The following ZNF320 variants were observed in gnomAD, a reference collection of about 807,000 sequenced individuals.
ZNF320 encodes the protein zinc finger protein 320.
ZNF320 carries 2 observed loss-of-function variants against 6.8 expected under a neutral mutation model. That is an observed-to-expected ratio of 0.29 (90% confidence interval 0.12 to 0.93). ZNF320 has a LOEUF of 0.93. Ranked by LOEUF, ZNF320 falls within the 40% of genes least tolerant of loss-of-function variation. ZNF320 has a pLI of 0.55. For synonymous variants in ZNF320, 208 were observed against 203.2 expected, an observed-to-expected ratio of 1.02 and a Z score of -0.20; for missense variants, 472 against 611.0, an observed-to-expected ratio of 0.77 and a Z score of 2.40.
In ZNF320 at chr19:52,861,116, T is replaced by C. The variant is rs1011037563; in HGVS notation, c.*2913A>G. ...ATGACATGATCTTCTGTGGAAAAAA[T>C]CCAAAGAGTCAACCAAAATACTACT... is the stretch of plus-strand genomic sequence containing the variant. On this transcript the variant is annotated 3_prime_UTR_variant, in exon 6 of 6. Transcript: ENST00000673631. Among the ~76,000 whole-genome samples the C allele has an allele frequency of 4.6e-5, 7 of 152,014 alleles. No individual in the cohort carries two copies. In the South Asian group the frequency reaches 1.5e-3, roughly 32 times the overall value.
upstream of ZNF320, among the ~76,000 whole-genome samples, chr19:52,901,063 C>A (rs1234403602): frequency 6.6e-6 from 1 of 151,996 alleles, no homozygotes; most frequent in African/African-American, 2.4e-5. Context: ...TTACTTGTGT[C>A]ACTTAGAAAA....
At chr19:52,902,329 G>A (rs2064573846), upstream of ZNF320, among the ~76,000 whole-genome samples, 1 of 152,216 alleles carries the variant, frequency 6.6e-6, no homozygotes, top group African/African-American at 2.4e-5. Context: ...GTTACTCCAG[G>A]CTGTAGAATC....
intron 5 of ZNF320, among the ~76,000 whole-genome samples, chr19:52,866,363 C>T (rs1254334210): frequency 6.6e-6 from 1 of 151,432 alleles, no homozygotes; most frequent in Non-Finnish European, 1.5e-5. Flanking sequence ...AACTGTGAAA[C>T]CCCTCCTGCA....
intron 2 of ZNF320, among the ~76,000 whole-genome samples, chr19:52,893,092 C>T (rs2064361078): frequency 6.6e-6 from 1 of 151,618 alleles, no homozygotes; most frequent in Non-Finnish European, 1.5e-5. Flanking sequence ...TTCTTCTTTT[C>T]TCTGTCTCAG....
chr19:52,893,606 C>T (rs2064379394), intron 2 of ZNF320, 173 bp downstream of exon 2: 1 of 152,056 alleles, frequency 6.6e-6, no homozygotes, highest in Admixed American at 6.6e-5. Flanking sequence ...GAGATGGCAC[C>T]AGTGCACTCC....
chr19:52,861,598 C>T (rs1027361230), exon 6 of ZNF320, among the ~76,000 whole-genome samples: 68 of 152,198 alleles, frequency 4.5e-4, no homozygotes, highest in African/African-American at 1.4e-3. Flanking sequence ...GCTGGGATTA[C>T]AGGCATGAGC....
chr19:52,862,189 T>C, exon 6 of ZNF320: 1 of 461,174 alleles, frequency 2.2e-6, no homozygotes, highest in South Asian at 1.7e-5. Context: ...AAACTTTCCC[T>C]ACACCATGGA....
upstream of ZNF320, among the ~76,000 whole-genome samples, chr19:52,899,865 G>A (rs960191063): frequency 4.6e-5 from 7 of 152,130 alleles, no homozygotes; most frequent in African/African-American, 7.2e-5. Context: ...TGTATGATTC[G>A]GTTGAGCATG....
At chr19:52,889,303 G>A (rs1158794815) in intron 4 of ZNF320, among the ~76,000 whole-genome samples, 2 of 152,012 alleles carry the variant, frequency 1.3e-5, no homozygotes, top group African/African-American at 4.8e-5. Context: ...AGGGAAACAG[G>A]AAATGCCCCA....
intron 5 of ZNF320, among the ~76,000 whole-genome samples, chr19:52,886,018 A>G (rs943265272): frequency 1.3e-5 from 2 of 151,264 alleles, no homozygotes; most frequent in South Asian, 4.1e-4. Flanking sequence ...AAATGTATGA[A>G]AAAACACTGT....
intron 3 of ZNF320, 157 bp from the exon 4 acceptor site, chr19:52,890,485 T>G: frequency 1.7e-6 from 1 of 598,880 alleles, no homozygotes; most frequent in Non-Finnish European, 2.8e-6. Context: ...AAACTCCCAC[T>G]ACCCTACTGG....
intron 5 of ZNF320, among the ~76,000 whole-genome samples, chr19:52,865,948 T>TATG (rs1442227391): frequency 1.5e-3 from 185 of 126,002 alleles, no homozygotes; most frequent in African/African-American, 5.8e-3. Context: ...TATATTTATA[T>TATG]ATTATACATA....
At chr19:52,865,874 TTATA>T (rs1228709286) in intron 5 of ZNF320, among the ~76,000 whole-genome samples, 1 of 126,126 alleles carries the variant, frequency 7.9e-6, no homozygotes, top group Non-Finnish European at 1.5e-5. Context: ...ACATATATAT[TTATA>T]TATTATACAT....
exon 6 of ZNF320, chr19:52,864,028 C>T: frequency 2.0e-6 from 1 of 493,642 alleles, no homozygotes; most frequent in South Asian, 1.5e-5. Flanking sequence ...GAACATTTTC[C>T]TCACCCACAG....
chr19:52,880,503 A>G lies in ZNF320; in HGVS notation c.*93T>C. 11 of 1,334,004 alleles carry G rather than the reference A, an allele frequency of 8.2e-6. No homozygotes were observed. Among genetic ancestry groups the G allele is most frequent in the Non-Finnish European group, 1.1e-5 (11 of 969,436 alleles). 82.6% of individuals were successfully genotyped at this position (1,334,004 alleles called of 1,614,324 possible). ...GGTGTGAGACACCACGCCTGGCCCA[A>G]TCCTCTTAACATAAACAGTTTAATG... On this transcript the variant is annotated 3_prime_UTR_variant, in exon 6 of 6. Transcript: ENST00000682928.
At chr19:52,871,029 C>G (rs2063671699) in intron 5 of ZNF320, among the ~76,000 whole-genome samples, 1 of 152,128 alleles carries the variant, frequency 6.6e-6, no homozygotes, top group Non-Finnish European at 1.5e-5. Flanking sequence ...TGCCTGTAAT[C>G]CCAGCTACTC....
chr19:52,867,661 G>T (rs2063601242), intron 5 of ZNF320, among the ~76,000 whole-genome samples: 1 of 151,972 alleles, frequency 6.6e-6, no homozygotes, highest in Non-Finnish European at 1.5e-5. Context: ...GCCCCTGCTA[G>T]AGTGCAGTGG....
chr19:52,861,908 C>A, exon 6 of ZNF320: 1 of 353,820 alleles, frequency 2.8e-6, no homozygotes, highest in South Asian at 2.5e-5. Context: ...AAGACTTTGC[C>A]ATAATTATCA....
rs568676526 is a variant in ZNF320, at chr19:52,868,160, G to T, written c.224-4001C>A. Reference sequence around the variant, plus strand: ...ATTACACAAAGGCAGTTTACAGCCTGTCATATAAAAGCTGCAATGTGTGAA... The same window carrying T: ...ATTACACAAAGGCAGTTTACAGCCTTTCATATAAAAGCTGCAATGTGTGAA... On this transcript the variant is annotated intron_variant, in intron 5 of 5. Coordinates refer to the ZNF320 transcript ENST00000673631. 5.3e-3 allele frequency among the ~76,000 whole-genome samples: 805 copies of T among 152,280 alleles called. 9 individuals are homozygous for T. The highest frequency in any genetic ancestry group is 0.017 in the African/African-American group (687 of 41,566).
Sources: allele counts gnomAD v4.1 joint callset (sites outside exome capture counted in the v4.1 genomes callset), GRCh38; gene constraint gnomAD v4.1.1; transcripts MANE v1.5; gene names NCBI Gene and HGNC (gene_info 2026-07-23, HGNC 2026-07-21).